The following TGM2 variants were observed in gnomAD, a reference collection of about 807,000 sequenced individuals.
TGM2 encodes protein-glutamine gamma-glutamyltransferase 2.
TGM2 carries 53 observed loss-of-function variants against 75.6 expected under a neutral mutation model. The observed-to-expected ratio is 0.70, with a 90% CI of 0.56 to 0.88. The LOEUF (loss-of-function observed/expected upper bound fraction) is 0.88. Among genes scored for constraint, TGM2 ranks in the 40% least tolerant of loss-of-function variants. The pLI is 0.00. For synonymous variants in TGM2, 374 were observed against 381.1 expected (o/e 0.98, Z 0.22); for missense variants, 842 against 928.5 (o/e 0.91, Z 1.21).
intron 2 of TGM2, among the ~76,000 whole-genome samples, chr20:38,159,519 TAAAA>T (rs1409273150): frequency 1.7e-5 from 2 of 120,156 alleles, no homozygotes; most frequent in Non-Finnish European, 2.1e-5. Flanking sequence ...ATAAAAGTTT[TAAAA>T]AAGAAAGAAA....
In TGM2 at chr20:38,136,387, C is replaced by G. The variant is rs150386088; in HGVS notation, c.1615+1726G>C. On this transcript the variant is annotated intron_variant, in intron 10 of 12. Coordinates refer to ENST00000361475, the MANE Select transcript of TGM2 (RefSeq NM_004613.4). The stretch of plus-strand genomic sequence containing the variant: ...CAGGCAGGAGTCCGGGGAAAACAGA[C>G]GGGGAAACAAACTCTGTAAACACAA... Among the ~76,000 whole-genome samples the G allele has an allele frequency of 2.4e-3, 363 of 152,260 alleles. 3 individuals are homozygous for G. Among genetic ancestry groups the G allele is most frequent in the African/African-American group, 8.6e-3 (358 of 41,550 alleles).
At chr20:38,134,967 G>A (rs190130875) in intron 10 of TGM2, among the ~76,000 whole-genome samples, 2 of 152,332 alleles carry the variant, frequency 1.3e-5, no homozygotes, top group Admixed American at 1.3e-4. Context: ...CCAGCCAGAG[G>A]CCAATGCCCA....
chr20:38,160,715 T>C (rs1045464505), intron 2 of TGM2, among the ~76,000 whole-genome samples: 6 of 152,176 alleles, frequency 3.9e-5, no homozygotes, highest in Admixed American at 3.9e-4. Context: ...AGCTGGGCTT[T>C]TTCTCTGCCA....
chr20:38,138,460 G>A, intron 9 of TGM2, 75 bp from the exon 10 acceptor site: 1 of 1,607,790 alleles, frequency 6.2e-7, no homozygotes, highest in Non-Finnish European at 8.5e-7. Flanking sequence ...AGGGCGAGCT[G>A]TCTTCGCAGA....
intron 10 of TGM2, among the ~76,000 whole-genome samples, chr20:38,135,432 C>CACACACACACACACAT (rs879752080): frequency 3.3e-5 from 5 of 150,276 alleles, no homozygotes; most frequent in Non-Finnish European, 7.4e-5. Context: ...CACACACACA[C>CACACACACACACACAT]ATACACACAC....
chr20:38,139,296 A>G, intron 9 of TGM2, 116 bp downstream of exon 9: 6 of 1,471,870 alleles, frequency 4.1e-6, no homozygotes, highest in Non-Finnish European at 5.6e-6. Flanking sequence ...CTACGGGGCC[A>G]TTGCTGTACG....
intron 8 of TGM2, among the ~76,000 whole-genome samples, chr20:38,140,806 A>G (rs1203796338): frequency 6.6e-6 from 1 of 152,256 alleles, no homozygotes; most frequent in African/African-American, 2.4e-5. Context: ...AACGCTATGT[A>G]TTATATTTTA....
At chr20:38,135,264 T>C (rs45585536) in intron 10 of TGM2, among the ~76,000 whole-genome samples, 2,109 of 152,262 alleles carry the variant, frequency 0.014, 43 homozygotes, top group African/African-American at 0.047. Flanking sequence ...CTTTCTCCCC[T>C]TGGAGCAGCT....
At chr20:38,136,140 C>T (rs2284877) in intron 10 of TGM2, among the ~76,000 whole-genome samples, 3 of 152,208 alleles carry the variant, frequency 2.0e-5, no homozygotes, top group Admixed American at 1.3e-4. Flanking sequence ...GAGTCTGCCC[C>T]GGGCCGGACA....
At chr20:38,147,831 G>T (rs1420046846) in intron 5 of TGM2, 130 bp downstream of exon 5, 1 of 1,322,464 alleles carries the variant, frequency 7.6e-7, no homozygotes, top group South Asian at 1.3e-5. Flanking sequence ...CCAATATAAG[G>T]TCTTTTCCCC....
intron 2 of TGM2, among the ~76,000 whole-genome samples, chr20:38,156,335 C>G (rs1204432350): frequency 6.6e-6 from 1 of 152,278 alleles, no homozygotes; most frequent in Non-Finnish European, 1.5e-5. Context: ...AGCATGTCCT[C>G]AACTAAAGAG....
Position 38,132,227 on chromosome 20 carries a change from C to T in TGM2, c.1776+113G>A, listed in dbSNP as rs930447802. 18 of 1,282,112 alleles carry T rather than the reference C, an allele frequency of 1.4e-5. No homozygotes were observed. In the African/African-American group the frequency reaches 2.5e-4, roughly 18 times the overall value. 79.4% of individuals were successfully genotyped at this position (1,282,112 alleles called of 1,614,324 possible). A position where few individuals can be genotyped will look rare whatever the true frequency, so the allele number is the denominator to read the frequency against. On this transcript the variant is annotated intron_variant, in intron 11 of 12. Transcript: ENST00000361475. ...CTAGGATTTGAGGATCGCTAAGGCA[C>T]CAAAGGTCTGGAGCTTGCAGGGATG...
At position 38,155,952 on chromosome 20, in the gene TGM2, C is replaced by T. The variant is rs146137365; in HGVS notation, c.328G>A (p.Ala110Thr). 4.8e-4 allele frequency: 778 copies of T among 1,612,680 alleles called. 7 individuals are homozygous for T. The African/African-American group carries it at 9.0e-3, about 19-fold the overall frequency. ...CTGAGGCGATACAGGCCGATGGGGG[C>T]GTTGGCCGGGGTGGTGAGCTGCAGC... is the stretch of plus-strand genomic sequence containing the variant. ...LSLQLTTPAN[A>T]PIGLYRLSLE... is the part of the protein sequence containing the mutation. The change falls in exon 3 of 13, where the codon GCC (alanine) becomes ACC (threonine). Residue 110 changes from alanine to threonine, a missense_variant. Physicochemically the swap from Ala to Thr is moderately conservative, Grantham distance 58 (BLOSUM62 0). Transcript: ENST00000361475.
In TGM2 at chr20:38,142,156, G is replaced by A; in HGVS notation, c.903C>T (p.Tyr301=). 4.3e-6 allele frequency: 7 copies of A among 1,614,188 alleles called. No homozygotes were observed. Among genetic ancestry groups the A allele is most frequent in the South Asian group, 1.1e-5 (1 of 91,082 alleles). The part of the protein sequence containing the change: ...LGIPTRVVTN[Y]NSAHDQNSNL... ...TGCTGTTCTGGTCATGGGCCGAGTTGTAGTTGGTCACGACGCGGGTAGGGA... is the reference window on the plus strand; with the variant it reads ...TGCTGTTCTGGTCATGGGCCGAGTTATAGTTGGTCACGACGCGGGTAGGGA... Residue 301 remains tyrosine, a synonymous_variant, in exon 7 of 13, where the codon TAC becomes TAT. Coordinates refer to ENST00000361475, the MANE Select transcript of TGM2 (RefSeq NM_004613.4).
At chr20:38,146,963 C>T in intron 5 of TGM2, 69 bp from the exon 6 acceptor site, 1 of 1,534,002 alleles carries the variant, frequency 6.5e-7, no homozygotes, top group East Asian at 2.4e-5. Context: ...CTGGGTGAGC[C>T]TGAGTACAGC....
In TGM2 at chr20:38,156,062, G is replaced by C. The variant is rs756709781; in HGVS notation, c.218C>G (p.Thr73Ser). ...ATCTCTTAGTGGAAAACGGGCCTTG[G>C]TCCCGGCCTCCTGGCTAGGGGCTGG... ...TGPAPSQEAG[T>S]KARFPLRDAV... The change falls in exon 3 of 13, where the codon ACC (threonine) becomes AGC (serine). Residue 73 changes from threonine to serine, a missense_variant. Transcript: ENST00000361475. The C allele has an allele frequency of 6.2e-7, 1 of 1,613,652 alleles. No individual in the cohort carries two copies. The highest frequency in any genetic ancestry group is 8.5e-7 in the Non-Finnish European group (1 of 1,179,982).
At position 38,138,172 on chromosome 20, in the gene TGM2, A is replaced by G. The variant is rs1220457910; in HGVS notation, c.1556T>C (p.Ile519Thr). The change falls in exon 10 of 13, where the codon ATC becomes ACC. Residue 519 changes from isoleucine to threonine, a missense_variant. By Grantham distance (89) the Ile-to-Thr change is moderately conservative. Transcript: ENST00000361475. ...CTTGGTGCCACACTCGGGCCCCAAGATCCCATTGTAGCTGACGGTGCGGGC... is the reference window on the plus strand; with the variant it reads ...CTTGGTGCCACACTCGGGCCCCAAGGTCCCATTGTAGCTGACGGTGCGGGC... ...LCARTVSYNG[I>T]LGPECGTKYL... 2 of 1,606,392 alleles carry G rather than the reference A, an allele frequency of 1.2e-6. No homozygotes were observed. Among genetic ancestry groups the G allele is most frequent in the Non-Finnish European group, 8.5e-7 (1 of 1,176,480 alleles).
intron 4 of TGM2, among the ~76,000 whole-genome samples, chr20:38,149,796 A>G (rs2075096040): frequency 6.6e-6 from 1 of 151,784 alleles, no homozygotes; most frequent in South Asian, 2.1e-4. Context: ...TCATTTTCTG[A>G]TGTATTTTAT....
At chr20:38,155,041 G>A (rs2075165523) in intron 3 of TGM2, among the ~76,000 whole-genome samples, 1 of 152,250 alleles carries the variant, frequency 6.6e-6, no homozygotes, top group Non-Finnish European at 1.5e-5. Flanking sequence ...GGTGGGCAGA[G>A]GTTGCAGTGA....
Sources: gnomAD v4.1 joint callset for allele counts (sites outside exome capture counted in the v4.1 genomes callset) on GRCh38, gnomAD v4.1.1 for gene constraint, MANE v1.5 for transcripts, NCBI Gene and HGNC (gene_info 2026-07-23, HGNC 2026-07-21) for gene names.